Variants in PLCB1 observed in about 807,000 individuals in gnomAD.
PLCB1 encodes phospholipase C beta 1.
PLCB1 carries 46 observed loss-of-function variants against 161.8 expected under a neutral mutation model. The observed-to-expected ratio is 0.28, with a 90% CI of 0.22 to 0.36. The LOEUF is 0.36. PLCB1 is among the 10% of genes least tolerant of loss of function. PLCB1 has a pLI of 1.00. For synonymous variants in PLCB1, 517 were observed against 503.7 expected (o/e 1.03, Z -0.35); for missense variants, 1,016 against 1,472.5 (o/e 0.69, Z 5.07).
intron 7 of PLCB1, chr20:8,651,456 G>T: frequency 1.4e-6 from 1 of 728,516 alleles, no homozygotes. Context: ...CAGAGCTGTG[G>T]AAAGGCTCCC....
intron 3 of PLCB1, among the ~76,000 whole-genome samples, chr20:8,583,819 C>A (rs763833150): frequency 6.6e-6 from 1 of 152,136 alleles, no homozygotes; most frequent in Non-Finnish European, 1.5e-5. Flanking sequence ...GAAATGTAGG[C>A]AGCAGGCAAT....
intron 2 of PLCB1, among the ~76,000 whole-genome samples, chr20:8,194,387 C>A: frequency 6.6e-6 from 1 of 151,934 alleles, no homozygotes; most frequent in African/African-American, 2.4e-5. Context: ...TGGAAAAACT[C>A]CCGTAAGTGC....
At chr20:8,662,764 G>A (rs1216482886) in intron 9 of PLCB1, among the ~76,000 whole-genome samples, 1 of 151,710 alleles carries the variant, frequency 6.6e-6, no homozygotes, top group Non-Finnish European at 1.5e-5. Context: ...ACACCGAGTA[G>A]CAAAGCTCTA....
At chr20:8,265,412 C>G (rs1354602370) in intron 2 of PLCB1, among the ~76,000 whole-genome samples, 1 of 152,142 alleles carries the variant, frequency 6.6e-6, no homozygotes, top group African/African-American at 2.4e-5. Flanking sequence ...GTGGGGGAGG[C>G]ATTTACTATC....
chr20:8,232,973 C>T (rs780163927), intron 2 of PLCB1, among the ~76,000 whole-genome samples: 1 of 152,106 alleles, frequency 6.6e-6, no homozygotes, highest in African/African-American at 2.4e-5. Flanking sequence ...TTTTTCACTG[C>T]AAAGAATCAG....
At chr20:8,217,938 G>T (rs1331514588) in intron 2 of PLCB1, among the ~76,000 whole-genome samples, 1 of 152,020 alleles carries the variant, frequency 6.6e-6, no homozygotes, top group East Asian at 1.9e-4. Flanking sequence ...CTTGCCAGAT[G>T]CAGGCACTTG....
intron 31 of PLCB1, among the ~76,000 whole-genome samples, chr20:8,836,865 G>A (rs1253622368): frequency 6.6e-6 from 1 of 152,050 alleles, no homozygotes; most frequent in African/African-American, 2.4e-5. Context: ...GTCTGCCCTC[G>A]AGGAGACCTT....
chr20:8,139,589 A>AT (rs1217989040), intron 1 of PLCB1, among the ~76,000 whole-genome samples: 5 of 151,932 alleles, frequency 3.3e-5, no homozygotes, highest in African/African-American at 7.3e-5. Flanking sequence ...TAAAAAAAAC[A>AT]TTTTTTTTGG....
chr20:8,432,700 C>T (rs1980105759), intron 3 of PLCB1, among the ~76,000 whole-genome samples: 1 of 152,126 alleles, frequency 6.6e-6, no homozygotes, highest in Admixed American at 6.5e-5. Flanking sequence ...TCTTCAGGAT[C>T]AAAGCGACAG....
At chr20:8,519,072 A>G (rs893033896) in intron 3 of PLCB1, among the ~76,000 whole-genome samples, 19 of 151,978 alleles carry the variant, frequency 1.3e-4, no homozygotes, top group Admixed American at 6.6e-5. Flanking sequence ...CCTGCTGCTC[A>G]CCTCCTGCTG....
At chr20:8,416,144 TGTTGA>T (rs1314094779) in intron 3 of PLCB1, among the ~76,000 whole-genome samples, 1 of 152,224 alleles carries the variant, frequency 6.6e-6, no homozygotes, top group Non-Finnish European at 1.5e-5. Context: ...GACTCATGTG[TGTTGA>T]GTTACTTCTA....
intron 3 of PLCB1, among the ~76,000 whole-genome samples, chr20:8,495,868 A>G (rs934369722): frequency 6.6e-6 from 1 of 151,884 alleles, no homozygotes; most frequent in Admixed American, 6.6e-5. Flanking sequence ...CCATCTCTCC[A>G]CATTGCCTTC....
At chr20:8,465,214 T>C (rs1484129744) in intron 3 of PLCB1, among the ~76,000 whole-genome samples, 1 of 152,148 alleles carries the variant, frequency 6.6e-6, no homozygotes, top group Non-Finnish European at 1.5e-5. Flanking sequence ...ACGTCAAGGA[T>C]GATTTTTGTT....
chr20:8,671,921 C>T (rs1343916639), intron 9 of PLCB1, among the ~76,000 whole-genome samples: 2 of 152,202 alleles, frequency 1.3e-5, no homozygotes, highest in African/African-American at 4.8e-5. Context: ...GTGTACTCAA[C>T]TGAAAATGGT....
chr20:8,402,872 A>T (rs1978624361), intron 3 of PLCB1, among the ~76,000 whole-genome samples: 1 of 152,078 alleles, frequency 6.6e-6, no homozygotes. Context: ...ATTTAAAAAA[A>T]GTTTTCATTT....
At chr20:8,196,566 G>C (rs749116273) in intron 2 of PLCB1, among the ~76,000 whole-genome samples, 20 of 151,598 alleles carry the variant, frequency 1.3e-4, no homozygotes, top group African/African-American at 4.1e-4. Flanking sequence ...GCTGCAGTGC[G>C]TTTATAGAGG....
intron 3 of PLCB1, among the ~76,000 whole-genome samples, chr20:8,403,137 C>A (rs1232776): frequency 0.24 from 36,564 of 151,956 alleles, 4,724 homozygotes; most frequent in East Asian, 0.39. Context: ...AGGAAAATCA[C>A]TGTGTGAAGT....
chr20:8,523,496 CTATA>C (rs777011717), intron 3 of PLCB1, among the ~76,000 whole-genome samples: 534 of 51,624 alleles, frequency 0.01, 20 homozygotes, highest in Non-Finnish European at 0.015. Context: ...CTCTCTCTCT[CTATA>C]TATATATATA....
intron 3 of PLCB1, among the ~76,000 whole-genome samples, chr20:8,578,010 G>A (rs1315554495): frequency 6.6e-6 from 1 of 152,142 alleles, no homozygotes; most frequent in Non-Finnish European, 1.5e-5. Context: ...TCAGCCCATA[G>A]GGATCTCTTT....
Sources: allele counts gnomAD v4.1 joint callset (sites outside exome capture counted in the v4.1 genomes callset), GRCh38; gene constraint gnomAD v4.1.1; transcripts MANE v1.5; gene names NCBI Gene and HGNC (gene_info 2026-07-23, HGNC 2026-07-21).